The following NKAIN2 variants were observed in gnomAD, a reference collection of about 807,000 sequenced individuals.
NKAIN2 encodes sodium/potassium transporting ATPase interacting 2.
In NKAIN2, 14 loss-of-function variants were observed where a neutral mutation model predicts 32.6. The ratio of observed to expected loss-of-function variants is 0.43; its 90% CI spans 0.28 to 0.67. The LOEUF (loss-of-function observed/expected upper bound fraction) is 0.67. Ranked by LOEUF, NKAIN2 falls within the 30% of genes least tolerant of loss-of-function variation. The probability of loss-of-function intolerance (pLI) is 0.17; values close to 1 mark genes in which losing one functional copy is unlikely to be tolerated. For synonymous variants in NKAIN2, 80 were observed against 87.2 expected, an observed-to-expected ratio of 0.92 and a Z score of 0.46; for missense variants, 198 against 258.3, an observed-to-expected ratio of 0.77 and a Z score of 1.60.
At chr6:124,076,245 G>A (rs1390678905) in intron 1 of NKAIN2, among the ~76,000 whole-genome samples, 1 of 152,190 alleles carries the variant, frequency 6.6e-6, no homozygotes, top group Non-Finnish European at 1.5e-5. Flanking sequence ...CAGCAATAAA[G>A]TTTCCCAGGA....
At chr6:123,976,372 CATATATATATATATATATATATAT>C (rs60189624) in intron 1 of NKAIN2, among the ~76,000 whole-genome samples, 16 of 10,922 alleles carry the variant, frequency 1.5e-3, no homozygotes, top group Non-Finnish European at 1.7e-3. Context: ...TATATATTCC[CATATATATATATATATATATATAT>C]ATATATATAT....
chr6:124,262,299 TG>T (rs1334242125), intron 1 of NKAIN2, among the ~76,000 whole-genome samples: 1 of 151,996 alleles, frequency 6.6e-6, no homozygotes, highest in Middle Eastern at 3.2e-3. Flanking sequence ...CAAAGTCCAG[TG>T]GGGGAGAGAG....
At chr6:124,137,180 G>T (rs1786848811) in intron 1 of NKAIN2, among the ~76,000 whole-genome samples, 2 of 152,082 alleles carry the variant, frequency 1.3e-5, no homozygotes, top group Admixed American at 6.5e-5. Context: ...CAAAGTCAAT[G>T]TAGACAAATT....
At chr6:124,636,784 C>T (rs975593369) in intron 3 of NKAIN2, among the ~76,000 whole-genome samples, 1 of 151,862 alleles carries the variant, frequency 6.6e-6, no homozygotes, top group Non-Finnish European at 1.5e-5. Flanking sequence ...AAAGTAAAGC[C>T]AGGCTTCACT....
intron 3 of NKAIN2, among the ~76,000 whole-genome samples, chr6:124,551,706 A>G (rs1386664886): frequency 6.6e-6 from 1 of 152,250 alleles, no homozygotes; most frequent in East Asian, 1.9e-4. Flanking sequence ...TCAATCTTTT[A>G]TCTGAAAACA....
chr6:124,439,457 G>A (rs575428709), intron 3 of NKAIN2, among the ~76,000 whole-genome samples: 182 of 151,164 alleles, frequency 1.2e-3, no homozygotes, highest in African/African-American at 3.5e-3. Flanking sequence ...TTATTTCTTC[G>A]TACACTAGAC....
intron 3 of NKAIN2, among the ~76,000 whole-genome samples, chr6:124,478,423 G>A (rs1258029891): frequency 6.6e-6 from 1 of 152,142 alleles, no homozygotes; most frequent in East Asian, 1.9e-4. Context: ...ATGTGCAACA[G>A]GGAATACACA....
intron 1 of NKAIN2, among the ~76,000 whole-genome samples, chr6:124,209,761 G>A (rs114812247): frequency 0.017 from 2,553 of 151,872 alleles, 76 homozygotes; most frequent in African/African-American, 0.058. Context: ...GTCTTATATT[G>A]AGAAATGTCT....
At chr6:124,747,164 C>T (rs989203838) in intron 4 of NKAIN2, among the ~76,000 whole-genome samples, 1 of 151,852 alleles carries the variant, frequency 6.6e-6, no homozygotes, top group Non-Finnish European at 1.5e-5. Context: ...AGGACACAGT[C>T]ACCCAAGCTG....
At position 124,531,889 on chromosome 6, in the gene NKAIN2, T is replaced by C. The variant is rs1026720001; in HGVS notation, c.274-126297T>C. ...TTTCACCATGTTGGCAAAGCTGTTG[T>C]TGAACTCCTGGCCTCAGGCAATACA... On this transcript the variant is annotated intron_variant, in intron 3 of 6. Coordinates refer to ENST00000368417, the MANE Select transcript of NKAIN2 (RefSeq NM_001040214.3). Among the ~76,000 whole-genome samples, 6 of 152,204 alleles carry C rather than the reference T, an allele frequency of 3.9e-5. No individual in the cohort carries two copies. In the South Asian group the frequency reaches 1.2e-3, roughly 31 times the overall value.
At chr6:124,779,380 G>GA (rs1554263744) in intron 4 of NKAIN2, among the ~76,000 whole-genome samples, 8 of 143,846 alleles carry the variant, frequency 5.6e-5, no homozygotes, top group Non-Finnish European at 7.6e-5. Context: ...AGGAAGGAAG[G>GA]AAGTCCTCCT....
At chr6:124,804,144 C>T (rs1780407496) in intron 5 of NKAIN2, among the ~76,000 whole-genome samples, 1 of 152,128 alleles carries the variant, frequency 6.6e-6, no homozygotes, top group Non-Finnish European at 1.5e-5. Flanking sequence ...ACAGATTCTA[C>T]AACAATGTAT....
intron 1 of NKAIN2, among the ~76,000 whole-genome samples, chr6:124,160,317 G>A (rs1051539162): frequency 1.3e-5 from 2 of 152,100 alleles, no homozygotes; most frequent in Non-Finnish European, 2.9e-5. Context: ...AGATCCAATA[G>A]CTTGCAAGTG....
At chr6:124,430,998 T>C (rs1775195833) in intron 3 of NKAIN2, among the ~76,000 whole-genome samples, 1 of 152,176 alleles carries the variant, frequency 6.6e-6, no homozygotes, top group Non-Finnish European at 1.5e-5. Context: ...ATGACCTCCA[T>C]AGACATGTAA....
At chr6:123,979,037 ATAACT>A in intron 1 of NKAIN2, among the ~76,000 whole-genome samples, 1 of 152,308 alleles carries the variant, frequency 6.6e-6, no homozygotes, top group South Asian at 2.1e-4. Context: ...TAAAACAAAT[ATAACT>A]ATCATTTCCT....
At chr6:124,437,759 G>A (rs1419790841) in intron 3 of NKAIN2, among the ~76,000 whole-genome samples, 2 of 152,012 alleles carry the variant, frequency 1.3e-5, no homozygotes, top group African/African-American at 4.8e-5. Flanking sequence ...GGTGAGGTTA[G>A]GGAAGTAGTC....
At chr6:124,804,451 T>C (rs1780424122) in intron 5 of NKAIN2, 2 of 932,978 alleles carry the variant, frequency 2.1e-6, no homozygotes, top group East Asian at 1.2e-4. Flanking sequence ...CTTTTCACTT[T>C]CATTGTTTAG....
At chr6:124,262,689 T>C (rs1794307032) in intron 1 of NKAIN2, among the ~76,000 whole-genome samples, 1 of 152,172 alleles carries the variant, frequency 6.6e-6, no homozygotes, top group Non-Finnish European at 1.5e-5. Flanking sequence ...TGGAAAGTTA[T>C]ATAGAAATGG....
At chr6:124,224,189 T>C (rs1791987362) in intron 1 of NKAIN2, among the ~76,000 whole-genome samples, 1 of 152,186 alleles carries the variant, frequency 6.6e-6, no homozygotes, top group African/African-American at 2.4e-5. Flanking sequence ...GCACATATTT[T>C]CATGCATTCA....
Sources: allele counts gnomAD v4.1 joint callset (sites outside exome capture counted in the v4.1 genomes callset), GRCh38; gene constraint gnomAD v4.1.1; transcripts MANE v1.5; gene names NCBI Gene and HGNC (gene_info 2026-07-23, HGNC 2026-07-21).